NEK11: variants seen among roughly 807,000 people sequenced by gnomAD.
NEK11 encodes the protein NIMA related kinase 11, also known as serine/threonine-protein kinase Nek11.
Under a neutral mutation model 80.7 loss-of-function variants are expected in NEK11, and 72 were observed. The observed-to-expected ratio is 0.89, with a 90% CI of 0.74 to 1.08. NEK11 has a LOEUF of 1.08. Ranked by LOEUF, NEK11 falls within the 50% of genes least tolerant of loss-of-function variation. The pLI is 0.00. For missense variants in NEK11, 764 were observed against 763.6 expected (o/e 1.00, Z -0.01); for synonymous variants, 251 against 260.7 (o/e 0.96, Z 0.36).
intron 17 of NEK11, among the ~76,000 whole-genome samples, chr3:131,341,717 GTGAAT>G (rs1160025417): frequency 1.3e-4 from 20 of 151,732 alleles, no homozygotes; most frequent in African/African-American, 3.6e-4. Flanking sequence ...TTTCTTCTTT[GTGAAT>G]TGAATTATTA....
chr3:131,298,191 A>T (rs1025936842), intron 17 of NEK11, among the ~76,000 whole-genome samples: 2 of 151,400 alleles, frequency 1.3e-5, no homozygotes, highest in African/African-American at 2.4e-5. Context: ...TTTTTTTCCA[A>T]TTCTGTGAAG....
intron 5 of NEK11, among the ~76,000 whole-genome samples, chr3:131,114,851 A>G (rs1165963977): frequency 6.6e-6 from 1 of 152,250 alleles, no homozygotes; most frequent in African/African-American, 2.4e-5. Context: ...ATATTAAAGT[A>G]TATTTTGAAA....
At chr3:131,277,194 C>G (rs1267955286) in intron 17 of NEK11, among the ~76,000 whole-genome samples, 1 of 152,194 alleles carries the variant, frequency 6.6e-6, no homozygotes, top group Non-Finnish European at 1.5e-5. Context: ...ACTAATCAAC[C>G]CAACCAGTTT....
chr3:131,053,571 A>G (rs555379117), intron 3 of NEK11: 1 of 152,344 alleles, frequency 6.6e-6, no homozygotes, highest in African/African-American at 2.4e-5. Context: ...AAAGGCATCA[A>G]TTTAACCAAA....
At chr3:131,155,004 T>G (rs961048012) in intron 9 of NEK11, 32 bp from the exon 10 acceptor site, 1 of 1,321,542 alleles carries the variant, frequency 7.6e-7, no homozygotes, top group Non-Finnish European at 1.1e-6. Flanking sequence ...AGAGGAGCCT[T>G]TAAGATATGT....
chr3:131,074,311 G>T (rs995300732), intron 3 of NEK11, among the ~76,000 whole-genome samples: 2 of 152,026 alleles, frequency 1.3e-5, no homozygotes, highest in Non-Finnish European at 2.9e-5. Flanking sequence ...GAAAAAATGG[G>T]GAATAAATGG....
intron 7 of NEK11, among the ~76,000 whole-genome samples, chr3:131,135,319 A>G (rs1191609995): frequency 6.6e-6 from 1 of 152,030 alleles, no homozygotes; most frequent in African/African-American, 2.4e-5. Flanking sequence ...TCTGCCCTGG[A>G]GGTCTTTTCC....
chr3:131,041,894 T>G (rs1240213219), intron 3 of NEK11, among the ~76,000 whole-genome samples: 1 of 151,988 alleles, frequency 6.6e-6, no homozygotes, highest in Non-Finnish European at 1.5e-5. Context: ...CATTTCCAAC[T>G]GAGGTACCTG....
intron 16 of NEK11, among the ~76,000 whole-genome samples, chr3:131,267,818 T>C (rs1222166434): frequency 6.6e-6 from 1 of 152,198 alleles, no homozygotes; most frequent in Non-Finnish European, 1.5e-5. Flanking sequence ...AAAGTTGGCC[T>C]CTCTTGCTAG....
chr3:131,245,224 A>G (rs914475130), intron 16 of NEK11, among the ~76,000 whole-genome samples: 1 of 152,018 alleles, frequency 6.6e-6, no homozygotes, highest in Non-Finnish European at 1.5e-5. Flanking sequence ...TTCACTTAAG[A>G]TAATGGCCTC....
chr3:131,191,028 A>T (rs1294620488), intron 14 of NEK11, among the ~76,000 whole-genome samples: 1 of 152,190 alleles, frequency 6.6e-6, no homozygotes, highest in Non-Finnish European at 1.5e-5. Context: ...CATTGTTATA[A>T]TTATTATTCT....
At chr3:131,101,765 T>C (rs13068890) in intron 4 of NEK11, among the ~76,000 whole-genome samples, 28,041 of 152,062 alleles carry the variant, frequency 0.18, 2,672 homozygotes, top group Middle Eastern at 0.22. Flanking sequence ...GTTAAGTCCA[T>C]AGTTTCTTTG....
chr3:131,031,305 T>G (rs2064810210), intron 3 of NEK11, among the ~76,000 whole-genome samples: 1 of 152,246 alleles, frequency 6.6e-6, no homozygotes, highest in Non-Finnish European at 1.5e-5. Context: ...TTATGATTCC[T>G]GCTGAAAAGG....
At chr3:131,203,747 A>ATGTGTGTGTGTG (rs1166405831) in intron 14 of NEK11, among the ~76,000 whole-genome samples, 2 of 64,290 alleles carry the variant, frequency 3.1e-5, no homozygotes, top group African/African-American at 1.1e-4. Flanking sequence ...GTATATATAT[A>ATGTGTGTGTGTG]TGTGTGTGTG....
intron 7 of NEK11, 69 bp downstream of exon 7, chr3:131,134,025 T>G: frequency 7.3e-7 from 1 of 1,370,108 alleles, no homozygotes; most frequent in South Asian, 1.8e-5. Context: ...GTCTTTCAGC[T>G]CATTTACTTA....
At position 131,170,780 on chromosome 3, in the gene NEK11, A is replaced by G; in HGVS notation, c.1292A>G (p.Asp431Gly). 1 of 1,611,276 alleles carries G rather than the reference A, an allele frequency of 6.2e-7. No individual in the cohort carries two copies. Among genetic ancestry groups the G allele is most frequent in the Non-Finnish European group, 8.5e-7 (1 of 1,177,392 alleles). The change falls in exon 14 of 18, where the codon GAT becomes GGT. Residue 431 changes from aspartate to glycine, a missense_variant. Physicochemically the swap from Asp to Gly is moderately conservative, Grantham distance 94. Transcript: ENST00000383366. Reference sequence around the variant, plus strand: ...TTAATTACCTTCCACAAGGAATCTGATGAACCAACTTTAGAGAACCTGCCT... The same window carrying G: ...TTAATTACCTTCCACAAGGAATCTGGTGAACCAACTTTAGAGAACCTGCCT... ...ERWQGREEESDEPTLENLPES... is the reference protein window; with the variant it reads ...ERWQGREEESGEPTLENLPES...
In NEK11 at chr3:131,182,935, C is replaced by A. The variant is rs111976615; in HGVS notation, c.1399+12048C>A. ...AATTAACCTGCTTCTTTCCTTCCACCCTCTACCTCCCACAAATCCATTTTA... is the reference window on the plus strand; with the variant it reads ...AATTAACCTGCTTCTTTCCTTCCACACTCTACCTCCCACAAATCCATTTTA... On this transcript the variant is annotated intron_variant, in intron 14 of 17. Coordinates refer to ENST00000383366, the MANE Select transcript of NEK11 (RefSeq NM_024800.5). 2.7e-3 allele frequency among the ~76,000 whole-genome samples: 417 copies of A among 152,256 alleles called. 1 individual carries two copies. The highest frequency in any genetic ancestry group is 9.4e-3 in the African/African-American group (392 of 41,552).
chr3:131,120,185 ATCTC>A (rs1014372872), intron 5 of NEK11, among the ~76,000 whole-genome samples: 2 of 152,120 alleles, frequency 1.3e-5, no homozygotes, highest in African/African-American at 4.8e-5. Flanking sequence ...TGGTGACAAA[ATCTC>A]TCAGCATTTG....
At chr3:131,067,479 A>G (rs10512798) in intron 3 of NEK11, among the ~76,000 whole-genome samples, 28,049 of 152,208 alleles carry the variant, frequency 0.18, 2,677 homozygotes, top group Non-Finnish European at 0.21. Flanking sequence ...TATGACACTC[A>G]GGATCCAAAG....
Sources: gnomAD v4.1 joint callset for allele counts (sites outside exome capture counted in the v4.1 genomes callset) on GRCh38, gnomAD v4.1.1 for gene constraint, MANE v1.5 for transcripts, NCBI Gene and HGNC (gene_info 2026-07-23, HGNC 2026-07-21) for gene names.